Variants in KREMEN1 observed in about 807,000 individuals in gnomAD.
KREMEN1 encodes the protein kringle containing transmembrane protein 1.
KREMEN1 carries 30 observed loss-of-function variants against 46.5 expected under a neutral mutation model. That is an observed-to-expected ratio of 0.65 (90% confidence interval 0.48 to 0.88). KREMEN1 has a LOEUF of 0.88. Ranked by LOEUF, KREMEN1 falls within the 40% of genes least tolerant of loss-of-function variation. KREMEN1 has a pLI of 0.00. For missense variants in KREMEN1, 533 were observed against 596.9 expected (o/e 0.89, Z 1.11); for synonymous variants, 214 against 230.6 (o/e 0.93, Z 0.65).
chr22:29,137,026 C>G (rs1317485265), intron 5 of KREMEN1, among the ~76,000 whole-genome samples: 1 of 152,130 alleles, frequency 6.6e-6, no homozygotes, highest in South Asian at 2.1e-4. Flanking sequence ...GCAAGAGGCC[C>G]GCGAGTGAAG....
chr22:29,125,985 C>T (rs1219380930), intron 5 of KREMEN1, among the ~76,000 whole-genome samples: 1 of 152,012 alleles, frequency 6.6e-6, no homozygotes, highest in Non-Finnish European at 1.5e-5. Flanking sequence ...TTGACCTCAC[C>T]AACATCATGT....
At chr22:29,131,553 T>G (rs1439189787) in intron 5 of KREMEN1, among the ~76,000 whole-genome samples, 1 of 98,852 alleles carries the variant, frequency 1.0e-5, no homozygotes, top group Non-Finnish European at 1.9e-5. Flanking sequence ...TATATATATA[T>G]ATATATATGT....
chr22:29,128,335 C>T (rs1488335681), intron 5 of KREMEN1, among the ~76,000 whole-genome samples: 1 of 152,100 alleles, frequency 6.6e-6, no homozygotes, highest in Non-Finnish European at 1.5e-5. Flanking sequence ...GACATAACCC[C>T]ATTATAAGTC....
At chr22:29,118,065 A>G (rs2038273160) in intron 3 of KREMEN1, among the ~76,000 whole-genome samples, 1 of 152,226 alleles carries the variant, frequency 6.6e-6, no homozygotes. Context: ...AACTGAGGAA[A>G]GATCTACTTT....
Position 29,073,283 on chromosome 22 carries a change from A to T in KREMEN1, c.97+56A>T. 1.3e-6 allele frequency: 1 copy of T among 788,978 alleles called. No homozygotes were observed. Among genetic ancestry groups the T allele is most frequent in the East Asian group, 4.6e-5 (1 of 21,720 alleles). The allele number at this position is 788,978 out of a possible 1,614,324, so 48.9% of individuals were successfully genotyped here. A position where few individuals can be genotyped will look rare whatever the true frequency, so the allele number is the denominator to read the frequency against. On this transcript the variant is annotated intron_variant, in intron 1 of 8. Transcript: ENST00000400335. This position sits in a 1 kb window ranked among gnomAD's most constrained non-coding sequence, Gnocchi z 4.4. ...CTGAGCGGAGCCCACTCGAGGGGCG[A>T]CAAGGGCCGGCCGGCCTGAGAGCCC...
At chr22:29,086,594 ATCAGCTTTCCCATAGT>A (rs2037732177) in intron 1 of KREMEN1, among the ~76,000 whole-genome samples, 1 of 152,154 alleles carries the variant, frequency 6.6e-6, no homozygotes, top group Non-Finnish European at 1.5e-5. Flanking sequence ...CATAACTGAA[ATCAGCTTTCCCATAGT>A]GCTTTTGAGT....
At position 29,094,306 on chromosome 22, in the gene KREMEN1, C is replaced by CA; in HGVS notation, c.147dup (p.Ala50SerfsTer33). 6.2e-7 allele frequency: 1 copy of CA among 1,613,766 alleles called. No individual in the cohort carries two copies. The highest frequency in any genetic ancestry group is 1.3e-5 in the African/African-American group (1 of 74,984). ...GATTATAGGGGAACACAGAACTGGACAGCACTACAAGGCGGGAAGCCATGT... is the reference window on the plus strand; with the variant it reads ...GATTATAGGGGAACACAGAACTGGACAAGCACTACAAGGCGGGAAGCCATGT... On this transcript the variant is annotated frameshift_variant, in exon 2 of 9. Coordinates refer to ENST00000400335, the MANE Select transcript of KREMEN1 (RefSeq NM_001039570.3). LOFTEE classifies it high-confidence loss of function.
rs570175551 is a variant in KREMEN1, at chr22:29,162,579, G to A, written c.1417-4465G>A. 4.6e-5 allele frequency among the ~76,000 whole-genome samples: 7 copies of A among 152,192 alleles called. No individual in the cohort carries two copies. In the East Asian group the frequency reaches 9.7e-4, roughly 21 times the overall value. On this transcript the variant is annotated intron_variant, in intron 9 of 9. Transcript: ENST00000327813. The stretch of plus-strand genomic sequence containing the variant: ...TAAAAATACAGAAAATTAGCTGGGC[G>A]TGGTGGCAGATGCCTGTAATCTCAG...
intron 3 of KREMEN1, among the ~76,000 whole-genome samples, chr22:29,119,646 A>G (rs535871932): frequency 2.6e-5 from 4 of 152,366 alleles, no homozygotes; most frequent in Admixed American, 2.6e-4. Flanking sequence ...CATTGAGTGC[A>G]TAGCAGAATC....
At chr22:29,103,910 G>GC (rs1465592276) in intron 3 of KREMEN1, among the ~76,000 whole-genome samples, 6 of 152,170 alleles carry the variant, frequency 3.9e-5, no homozygotes, top group Admixed American at 3.9e-4. Flanking sequence ...AAACAATCCA[G>GC]CCCCCCAAAC....
chr22:29,146,950 T>A, downstream of KREMEN1: 1 of 222,344 alleles, frequency 4.5e-6, no homozygotes, highest in Non-Finnish European at 7.6e-6. Context: ...TGTTTCCTAG[T>A]AGTGCCTCCA....
intron 2 of KREMEN1, among the ~76,000 whole-genome samples, chr22:29,096,926 C>G (rs1036422686): frequency 3.9e-5 from 6 of 152,152 alleles, no homozygotes; most frequent in Non-Finnish European, 8.8e-5. Flanking sequence ...TTTTTCAGAC[C>G]CATCACATTA....
At chr22:29,083,053 T>A (rs1224205095) in intron 1 of KREMEN1, among the ~76,000 whole-genome samples, 1 of 152,170 alleles carries the variant, frequency 6.6e-6, no homozygotes, top group Admixed American at 6.5e-5. Context: ...GGGAGGTACC[T>A]GCCGCCACGC....
intron 1 of KREMEN1, among the ~76,000 whole-genome samples, chr22:29,088,131 T>C (rs2037755561): frequency 6.6e-6 from 1 of 152,200 alleles, no homozygotes; most frequent in Non-Finnish European, 1.5e-5. Context: ...CGCTTATCCA[T>C]TGAACGCTAG....
rs1342453207 is a variant in KREMEN1 at position 29,145,449 on chromosome 22, C to T, written c.*3337C>T. Reference sequence around the variant, plus strand: ...ACTGGGCCTGCGTGCCATCCTCACCCCTGTTCCCCGCTGGCGCCAGGCCCT... The same window carrying T: ...ACTGGGCCTGCGTGCCATCCTCACCTCTGTTCCCCGCTGGCGCCAGGCCCT... On this transcript the variant is annotated 3_prime_UTR_variant, in exon 9 of 9. Transcript: ENST00000400335. 8 of 985,476 alleles carry T rather than the reference C, an allele frequency of 8.1e-6. No individual in the cohort carries two copies. The highest frequency in any genetic ancestry group is 9.6e-6 in the Non-Finnish European group (8 of 830,078). 61.0% of individuals were successfully genotyped at this position (985,476 alleles called of 1,614,324 possible).
At chr22:29,163,480 C>T (rs1601826965) in intron 9 of KREMEN1, among the ~76,000 whole-genome samples, 1 of 152,072 alleles carries the variant, frequency 6.6e-6, no homozygotes. Context: ...CGGGTTCAAA[C>T]GATTCTCTTA....
chr22:29,120,898 A>G (rs2038345701), intron 3 of KREMEN1, among the ~76,000 whole-genome samples: 1 of 152,178 alleles, frequency 6.6e-6, no homozygotes, highest in Admixed American at 6.5e-5. Flanking sequence ...TATATTCACC[A>G]AAAGTCCTTG....
chr22:29,075,470 G>A (rs1008956660), intron 1 of KREMEN1, among the ~76,000 whole-genome samples: 3 of 152,130 alleles, frequency 2.0e-5, no homozygotes, highest in African/African-American at 7.2e-5. Context: ...TTAGGAGTCT[G>A]GGGTAGGGGC....
At chr22:29,106,823 T>C (rs1001498692) in intron 3 of KREMEN1, among the ~76,000 whole-genome samples, 9 of 152,228 alleles carry the variant, frequency 5.9e-5, no homozygotes, top group African/African-American at 2.2e-4. Flanking sequence ...TATGGTGAAT[T>C]ATTAAGATTG....
Sources: allele counts gnomAD v4.1 joint callset (sites outside exome capture counted in the v4.1 genomes callset), GRCh38; gene constraint gnomAD v4.1.1; non-coding constraint Gnocchi (gnomAD v3.1); transcripts MANE v1.5; gene names NCBI Gene and HGNC (gene_info 2026-07-23, HGNC 2026-07-21).